NRXN1: variants seen among roughly 807,000 people sequenced by gnomAD.
NRXN1 encodes neurexin 1.
In NRXN1, 39 loss-of-function variants were observed where a neutral mutation model predicts 150.9. That is an observed-to-expected ratio of 0.26 (90% confidence interval 0.20 to 0.34). The LOEUF is 0.34. NRXN1 is among the 10% of genes least tolerant of loss of function. The pLI is 1.00. For synonymous variants in NRXN1, 924 were observed against 757.0 expected, an observed-to-expected ratio of 1.22 and a Z score of -3.62; for missense variants, 1,815 against 1,949.9, an observed-to-expected ratio of 0.93 and a Z score of 1.30.
chr2:50,234,545 T>A (rs1364260475), intron 18 of NRXN1, among the ~76,000 whole-genome samples: 1 of 151,984 alleles, frequency 6.6e-6, no homozygotes, highest in East Asian at 1.9e-4. Context: ...TATCTCCACA[T>A]CAAAGACTTG....
chr2:50,969,863 C>A (rs1694737126), intron 2 of NRXN1, among the ~76,000 whole-genome samples: 1 of 152,104 alleles, frequency 6.6e-6, no homozygotes, highest in South Asian at 2.1e-4. Flanking sequence ...ATATGGGAGC[C>A]TTCGGAATGA....
At chr2:50,386,672 T>C (rs1268587458) in intron 17 of NRXN1, among the ~76,000 whole-genome samples, 1 of 152,184 alleles carries the variant, frequency 6.6e-6, no homozygotes, top group Non-Finnish European at 1.5e-5. Context: ...TGATTCAGGA[T>C]ACCAAGTTGC....
At chr2:50,779,836 A>G (rs1704127104) in intron 5 of NRXN1, among the ~76,000 whole-genome samples, 1 of 152,202 alleles carries the variant, frequency 6.6e-6, no homozygotes, top group South Asian at 2.1e-4. Flanking sequence ...ACATGTGTGC[A>G]TATGTCTTTA....
chr2:50,639,292 C>G (rs1382481646), intron 5 of NRXN1, among the ~76,000 whole-genome samples: 7 of 148,618 alleles, frequency 4.7e-5, no homozygotes, highest in African/African-American at 1.7e-4. Flanking sequence ...ATGATCTCAG[C>G]TCATTGCAAT....
chr2:50,146,328 G>C (rs1204714193), intron 18 of NRXN1, among the ~76,000 whole-genome samples: 1 of 151,636 alleles, frequency 6.6e-6, no homozygotes, highest in Non-Finnish European at 1.5e-5. Context: ...CCATTACTGG[G>C]TATATACCCA....
At chr2:50,060,921 A>T (rs1433604345) in intron 19 of NRXN1, among the ~76,000 whole-genome samples, 1 of 152,194 alleles carries the variant, frequency 6.6e-6, no homozygotes, top group Admixed American at 6.5e-5. Context: ...ATGAAAATGG[A>T]AACATTGTGA....
chr2:49,984,513 AT>A (rs5831065), intron 21 of NRXN1, among the ~76,000 whole-genome samples: 47,030 of 151,894 alleles, frequency 0.31, 7,678 homozygotes, highest in Admixed American at 0.46. Context: ...GAGGACTCAT[AT>A]TGAAGTGAGT....
At chr2:50,992,428 C>T (rs1432835853) in intron 2 of NRXN1, among the ~76,000 whole-genome samples, 2 of 151,948 alleles carry the variant, frequency 1.3e-5, no homozygotes, top group African/African-American at 4.8e-5. Flanking sequence ...GGCTAACACC[C>T]TCATCATTAG....
At chr2:50,644,961 A>G (rs1240595667) in intron 5 of NRXN1, among the ~76,000 whole-genome samples, 1 of 151,348 alleles carries the variant, frequency 6.6e-6, no homozygotes, top group Non-Finnish European at 1.5e-5. Flanking sequence ...CTTCATTTTG[A>G]TGTTCTGCTT....
chr2:50,568,739 C>A (rs1670225406), intron 8 of NRXN1, among the ~76,000 whole-genome samples: 1 of 151,998 alleles, frequency 6.6e-6, no homozygotes, highest in African/African-American at 2.4e-5. Context: ...TTGGAGTTTC[C>A]TCAAAAAAAC....
At chr2:50,577,237 T>G (rs958497282) in intron 8 of NRXN1, among the ~76,000 whole-genome samples, 1 of 152,112 alleles carries the variant, frequency 6.6e-6, no homozygotes, top group African/African-American at 2.4e-5. Flanking sequence ...AGAACATTCA[T>G]TTTTTGTCCT....
intron 17 of NRXN1, among the ~76,000 whole-genome samples, chr2:50,282,992 T>C (rs539596213): frequency 4.6e-5 from 7 of 152,304 alleles, no homozygotes; most frequent in African/African-American, 1.4e-4. Context: ...GAGTCATGAA[T>C]AATTTATCTG....
At chr2:50,274,143 CAG>C (rs1317497547) in intron 17 of NRXN1, among the ~76,000 whole-genome samples, 4 of 152,070 alleles carry the variant, frequency 2.6e-5, no homozygotes, top group Non-Finnish European at 5.9e-5. Context: ...CCATCAATGA[CAG>C]ACTGGATAAA....
intron 19 of NRXN1, among the ~76,000 whole-genome samples, chr2:50,084,619 C>T (rs1252504357): frequency 2.0e-5 from 3 of 152,180 alleles, no homozygotes; most frequent in Admixed American, 6.5e-5. Flanking sequence ...CTGAGGGAAC[C>T]GGCTCTGGCC....
Position 50,538,643 on chromosome 2 carries a change from CAA to C in NRXN1, c.1760-9_1760-8del. Reference sequence around the variant, plus strand: ...GTGTTGACAGAAATGGTACCTATTTCAAAGAGAGGAGAATGCACAGGTCTTTA... The same window carrying C: ...GTGTTGACAGAAATGGTACCTATTTCAGAGAGGAGAATGCACAGGTCTTTA... On this transcript the variant is annotated splice_polypyrimidine_tract_variant and splice_region_variant and intron_variant, in intron 9 of 22. Coordinates refer to ENST00000401669, the MANE Select transcript of NRXN1 (RefSeq NM_001330078.2). 1 of 1,475,746 alleles carries C rather than the reference CAA, an allele frequency of 6.8e-7. No individual in the cohort carries two copies. The highest frequency in any genetic ancestry group is 9.0e-7 in the Non-Finnish European group (1 of 1,110,576). The allele number at this position is 1,475,746 out of a possible 1,614,324, so 91.4% of individuals were successfully genotyped here. A position where few individuals can be genotyped will look rare whatever the true frequency, so the allele number is the denominator to read the frequency against.
intron 17 of NRXN1, among the ~76,000 whole-genome samples, chr2:50,291,140 A>AAAAC: frequency 6.6e-6 from 1 of 151,684 alleles, no homozygotes; most frequent in African/African-American, 2.4e-5. Flanking sequence ...AAGTTGAAAA[A>AAAAC]AAAAAAAGGC....
chr2:50,149,399 A>T (rs761988996), intron 18 of NRXN1, among the ~76,000 whole-genome samples: 48 of 151,766 alleles, frequency 3.2e-4, no homozygotes, highest in Non-Finnish European at 2.2e-4. Flanking sequence ...TAAATAACTC[A>T]GAGAACTGAT....
At chr2:50,534,428 T>C (rs1263171017) in intron 10 of NRXN1, among the ~76,000 whole-genome samples, 1 of 152,068 alleles carries the variant, frequency 6.6e-6, no homozygotes, top group Non-Finnish European at 1.5e-5. Context: ...TTTTTTCCAA[T>C]TAGACAAAAA....
At position 50,415,913 on chromosome 2, in the gene NRXN1, C is replaced by T. The variant is rs542806999; in HGVS notation, c.3364+49529G>A. Among the ~76,000 whole-genome samples, 20 of 148,596 alleles carry T rather than the reference C, an allele frequency of 1.3e-4. No individual in the cohort carries two copies. The East Asian group carries it at 3.8e-3, about 28-fold the overall frequency. ...GTGAATCACTTTCAAATTCTATATT[C>T]CTATTTTTATGGCCAACTGTTAGTA... On this transcript the variant is annotated intron_variant, in intron 17 of 22. Coordinates refer to ENST00000401669, the MANE Select transcript of NRXN1 (RefSeq NM_001330078.2).
Sources: allele counts gnomAD v4.1 joint callset (sites outside exome capture counted in the v4.1 genomes callset), GRCh38; gene constraint gnomAD v4.1.1; transcripts MANE v1.5; gene names NCBI Gene and HGNC (gene_info 2026-07-23, HGNC 2026-07-21).